The following RNF144A variants were observed in gnomAD, a reference collection of about 807,000 sequenced individuals.
RNF144A encodes ring finger protein 144A.
Under a neutral mutation model 38.7 loss-of-function variants are expected in RNF144A, and 11 were observed. That is an observed-to-expected ratio of 0.28 (90% CI 0.18 to 0.47). The LOEUF (loss-of-function observed/expected upper bound fraction) is 0.47, where lower values mean the gene tolerates loss of function less well. RNF144A is among the 20% of genes least tolerant of loss of function. The pLI, the probability that RNF144A is intolerant of heterozygous loss-of-function variation, is 0.99. For missense variants in RNF144A, 316 were observed against 377.2 expected (o/e 0.84, Z 1.34); for synonymous variants, 149 against 143.9 (o/e 1.04, Z -0.25).
At chr2:7,059,390 A>G (rs1207506202) in intron 6 of RNF144A, among the ~76,000 whole-genome samples, 1 of 152,178 alleles carries the variant, frequency 6.6e-6, no homozygotes, top group Non-Finnish European at 1.5e-5. Flanking sequence ...ATAATACTGT[A>G]AAGGATTAAC....
Position 6,944,538 on chromosome 2 carries a change from G to A in RNF144A, c.-12+3391G>A, listed in dbSNP as rs1451327882. 6.6e-6 allele frequency among the ~76,000 whole-genome samples: 1 copy of A among 151,980 alleles called. No homozygotes were observed. The highest frequency in any genetic ancestry group is 2.4e-5 in the African/African-American group (1 of 41,354). ...GTTGCCATTTGAAGTTACCCCTCCC[G>A]CTTTCTCTTCCATTCCTTGGAAGAT... On this transcript the variant is annotated intron_variant, in intron 2 of 8. Transcript: ENST00000320892. The surrounding 1 kb of genome is among the most constrained non-coding windows in gnomAD (Gnocchi z 4.7).
At chr2:6,977,723 C>G (rs747571774) in intron 2 of RNF144A, among the ~76,000 whole-genome samples, 2 of 152,216 alleles carry the variant, frequency 1.3e-5, no homozygotes, top group African/African-American at 2.4e-5. Flanking sequence ...AGCACTTCCT[C>G]TATGCTTGCA....
Position 7,060,128 on chromosome 2 carries a change from T to C in RNF144A, c.735-8088T>C, listed in dbSNP as rs78462903. Reference sequence around the variant, plus strand: ...AGAGTGAATCTACTGCTAAACATAGTTCAACTAATTGTGTCTCCTCTTTCT... The same window carrying C: ...AGAGTGAATCTACTGCTAAACATAGCTCAACTAATTGTGTCTCCTCTTTCT... On this transcript the variant is annotated intron_variant, in intron 6 of 6. Transcript: ENST00000432850. Among the ~76,000 whole-genome samples the C allele has an allele frequency of 1.4e-3, 200 of 142,670 alleles. 1 individual carries two copies. Among genetic ancestry groups the C allele is most frequent in the African/African-American group, 4.7e-3 (193 of 41,244 alleles). The allele number at this position is 142,670 out of a possible 152,430, so 93.6% of individuals were successfully genotyped here. A position where few individuals can be genotyped will look rare whatever the true frequency, so the allele number is the denominator to read the frequency against.
chr2:7,051,111 A>C (rs915734878), intron 6 of RNF144A, among the ~76,000 whole-genome samples: 16 of 152,202 alleles, frequency 1.1e-4, no homozygotes, highest in African/African-American at 3.6e-4. Flanking sequence ...GGTAGCAGAG[A>C]GGAGCTCCAC....
intron 3 of RNF144A, 72 bp downstream of exon 3, chr2:6,997,133 A>G (rs113759102): frequency 3.4e-6 from 5 of 1,476,308 alleles, no homozygotes; most frequent in Non-Finnish European, 4.7e-6. Flanking sequence ...TTGCAGAGAC[A>G]CTAGGCAAAC....
intron 2 of RNF144A, among the ~76,000 whole-genome samples, chr2:6,984,413 C>G (rs769078405): frequency 2.0e-5 from 3 of 152,050 alleles, no homozygotes; most frequent in Non-Finnish European, 4.4e-5. Context: ...AGCAATTCTT[C>G]TGCCTCAGCC....
intron 2 of RNF144A, among the ~76,000 whole-genome samples, chr2:6,993,944 G>T (rs1036189758): frequency 6.6e-6 from 1 of 151,986 alleles, no homozygotes; most frequent in African/African-American, 2.4e-5. Flanking sequence ...CTCTTCCCAA[G>T]TCTACATGAG....
chr2:6,973,276 A>C (rs1239258826), intron 2 of RNF144A, among the ~76,000 whole-genome samples: 1 of 152,226 alleles, frequency 6.6e-6, no homozygotes, highest in Admixed American at 6.5e-5. Context: ...TGTGTCTAAT[A>C]TTAGACTCAC....
intron 1 of RNF144A, among the ~76,000 whole-genome samples, chr2:6,930,012 G>A (rs1164941707): frequency 6.6e-6 from 1 of 152,232 alleles, no homozygotes; most frequent in Non-Finnish European, 1.5e-5. Flanking sequence ...CGTAAGGAAA[G>A]ATGCATTATT....
rs1230229821 is a variant in RNF144A at position 7,056,011 on chromosome 2, A to G, written c.735-12205A>G. 2.6e-5 allele frequency among the ~76,000 whole-genome samples: 4 copies of G among 152,172 alleles called. No homozygotes were observed. The East Asian group carries it at 7.7e-4, about 29-fold the overall frequency. ...TCTGCTCTGCCCAGTAACTAGTCAG[A>G]AGACTAGGTAAAGGCTTTATTTCCT... On this transcript the variant is annotated intron_variant, in intron 6 of 6. Transcript: ENST00000432850.
chr2:7,067,358 G>C (rs181925489), intron 6 of RNF144A, among the ~76,000 whole-genome samples: 1,726 of 152,272 alleles, frequency 0.011, 12 homozygotes, highest in Non-Finnish European at 0.016. Flanking sequence ...AGACATCAGA[G>C]AGATCACCAC....
At chr2:6,936,022 ACTG>A (rs1665552094) in intron 1 of RNF144A, among the ~76,000 whole-genome samples, 3 of 152,014 alleles carry the variant, frequency 2.0e-5, no homozygotes, top group Admixed American at 2.0e-4. Flanking sequence ...TCTGTTTTTC[ACTG>A]CTTTCACTGT....
At chr2:6,923,485 C>A (rs1664670597) in intron 1 of RNF144A, among the ~76,000 whole-genome samples, 1 of 152,224 alleles carries the variant, frequency 6.6e-6, no homozygotes, top group African/African-American at 2.4e-5. Flanking sequence ...CAGGGCTGAT[C>A]TCAGCAGCTG....
In RNF144A at chr2:7,016,204, G is replaced by T. The variant is rs115350022; in HGVS notation, c.301+1432G>T. Among the ~76,000 whole-genome samples the T allele has an allele frequency of 4.2e-3, 636 of 151,372 alleles. 3 individuals carry two copies. Among genetic ancestry groups the T allele is most frequent in the African/African-American group, 0.014 (570 of 41,238 alleles). ...TCATGGCATTGACATTTGTTTTCAAGAGTGTGTTTATTAAAGTGTCGTATA... is the reference window on the plus strand; with the variant it reads ...TCATGGCATTGACATTTGTTTTCAATAGTGTGTTTATTAAAGTGTCGTATA... On this transcript the variant is annotated intron_variant, in intron 5 of 8. Transcript: ENST00000320892.
intron 2 of RNF144A, among the ~76,000 whole-genome samples, chr2:6,983,459 A>G (rs1338311625): frequency 6.6e-6 from 1 of 152,242 alleles, no homozygotes; most frequent in Non-Finnish European, 1.5e-5. Context: ...GCCTCTGGCC[A>G]TCGTGTAGCA....
At chr2:7,064,679 A>G (rs781365419) in intron 6 of RNF144A, among the ~76,000 whole-genome samples, 9 of 152,216 alleles carry the variant, frequency 5.9e-5, no homozygotes, top group Non-Finnish European at 1.2e-4. Flanking sequence ...TCTGGTAATG[A>G]CTTTGATAGA....
chr2:6,998,275 C>T (rs1026311736), intron 3 of RNF144A, among the ~76,000 whole-genome samples: 8 of 152,100 alleles, frequency 5.3e-5, no homozygotes, highest in Non-Finnish European at 1.0e-4. Flanking sequence ...ATCTGTCACT[C>T]GAACAGTCTC....
intron 2 of RNF144A, among the ~76,000 whole-genome samples, chr2:6,945,729 T>A (rs923913784): frequency 6.6e-6 from 1 of 151,454 alleles, no homozygotes; most frequent in South Asian, 2.1e-4. Flanking sequence ...TTTTTTTTTT[T>A]GGGTAATGTT....
chr2:6,926,259 C>T (rs559732471), intron 1 of RNF144A, among the ~76,000 whole-genome samples: 2 of 152,288 alleles, frequency 1.3e-5, no homozygotes, highest in African/African-American at 4.8e-5. Flanking sequence ...TGTCAAGAAG[C>T]GACAAGCTTT....
Sources: allele counts gnomAD v4.1 joint callset (sites outside exome capture counted in the v4.1 genomes callset), GRCh38; gene constraint gnomAD v4.1.1; non-coding constraint Gnocchi (gnomAD v3.1); transcripts MANE v1.5; gene names NCBI Gene and HGNC (gene_info 2026-07-23, HGNC 2026-07-21).